The following CNTNAP2 variants were observed in gnomAD, a reference collection of about 807,000 sequenced individuals.
CNTNAP2 encodes contactin associated protein 2.
Under a neutral mutation model 155.2 loss-of-function variants are expected in CNTNAP2, and 98 were observed. The ratio of observed to expected loss-of-function variants is 0.63; its 90% confidence interval spans 0.54 to 0.75. CNTNAP2 has a LOEUF of 0.75. Among genes scored for constraint, CNTNAP2 ranks in the 30% least tolerant of loss-of-function variants. The pLI is 0.00. For synonymous variants in CNTNAP2, 651 were observed against 631.2 expected (o/e 1.03, Z -0.47); for missense variants, 1,727 against 1,688.1 (o/e 1.02, Z -0.40).
intron 1 of CNTNAP2, among the ~76,000 whole-genome samples, chr7:146,426,212 T>TAAAAAAAAAAAAAAAA (rs1554431713): frequency 4.7e-4 from 53 of 113,200 alleles, no homozygotes; most frequent in African/African-American, 1.8e-3. Flanking sequence ...AAAAAAAAAT[T>TAAAAAAAAAAAAAAAA]AAAACTTAAG....
At chr7:148,056,860 G>A (rs758570805) in intron 15 of CNTNAP2, among the ~76,000 whole-genome samples, 10 of 152,198 alleles carry the variant, frequency 6.6e-5, no homozygotes, top group Non-Finnish European at 1.5e-4. Context: ...CGATTTAAGA[G>A]CTTTCCAGAG....
At chr7:147,952,953 G>A (rs1444867051) in intron 14 of CNTNAP2, among the ~76,000 whole-genome samples, 1 of 152,134 alleles carries the variant, frequency 6.6e-6, no homozygotes, top group Non-Finnish European at 1.5e-5. Context: ...GAGAAACGTA[G>A]AGATTTAGGG....
chr7:148,098,404 A>C (rs1451188476), intron 15 of CNTNAP2, among the ~76,000 whole-genome samples: 1 of 131,326 alleles, frequency 7.6e-6, no homozygotes, highest in Non-Finnish European at 1.6e-5. Flanking sequence ...AGATCACGCC[A>C]CTGCACTCCA....
intron 20 of CNTNAP2, among the ~76,000 whole-genome samples, chr7:148,246,052 T>C (rs966433304): frequency 4.6e-5 from 7 of 152,230 alleles, no homozygotes; most frequent in Non-Finnish European, 7.3e-5. Flanking sequence ...AATGGAACTT[T>C]CAGGCATTCC....
At chr7:147,762,369 A>T (rs1797316197) in intron 13 of CNTNAP2, among the ~76,000 whole-genome samples, 1 of 152,204 alleles carries the variant, frequency 6.6e-6, no homozygotes, top group Non-Finnish European at 1.5e-5. Context: ...GTTTATGTAA[A>T]GCCACTGAAG....
At position 147,759,887 on chromosome 7, in the gene CNTNAP2, T is replaced by C. The variant is rs375894605; in HGVS notation, c.2098+120581T>C. Among the ~76,000 whole-genome samples the C allele has an allele frequency of 2.0e-5, 3 of 152,136 alleles. No individual in the cohort carries two copies. In the East Asian group the frequency reaches 5.8e-4, roughly 29 times the overall value. On this transcript the variant is annotated intron_variant, in intron 13 of 23. Transcript: ENST00000361727. Reference sequence around the variant, plus strand: ...TTTGCTGTAAGCAACCTAGACAGACTAGATACACCCCGTAAAAAGGATGCC... The same window carrying C: ...TTTGCTGTAAGCAACCTAGACAGACCAGATACACCCCGTAAAAAGGATGCC...
At chr7:148,000,555 A>G (rs1034771875) in intron 15 of CNTNAP2, among the ~76,000 whole-genome samples, 1 of 152,188 alleles carries the variant, frequency 6.6e-6, no homozygotes, top group Non-Finnish European at 1.5e-5. Flanking sequence ...CAAGTGACAC[A>G]GTGAATGACA....
chr7:146,848,791 G>A (rs951037159), intron 3 of CNTNAP2, among the ~76,000 whole-genome samples: 7 of 152,252 alleles, frequency 4.6e-5, no homozygotes, highest in Admixed American at 1.3e-4. Flanking sequence ...TATTTATTTA[G>A]AGACAGAATC....
intron 3 of CNTNAP2, among the ~76,000 whole-genome samples, chr7:146,916,299 C>A (rs185394309): frequency 2.0e-5 from 3 of 152,120 alleles, no homozygotes; most frequent in Admixed American, 2.0e-4. Context: ...TATGTCCTTT[C>A]TTGGTTTTGG....
chr7:146,606,098 C>G (rs534991537), intron 1 of CNTNAP2, among the ~76,000 whole-genome samples: 18 of 152,194 alleles, frequency 1.2e-4, no homozygotes, highest in Admixed American at 1.1e-3. Context: ...CATAAATTTG[C>G]TAAAGTCCTA....
chr7:147,701,708 C>T (rs561683843), intron 13 of CNTNAP2, among the ~76,000 whole-genome samples: 1 of 152,110 alleles, frequency 6.6e-6, no homozygotes, highest in Non-Finnish European at 1.5e-5. Flanking sequence ...TATTCGTTAA[C>T]AGGAGTTGTA....
At chr7:147,292,646 C>T (rs1326658406) in intron 8 of CNTNAP2, among the ~76,000 whole-genome samples, 1 of 152,150 alleles carries the variant, frequency 6.6e-6, no homozygotes, top group Non-Finnish European at 1.5e-5. Flanking sequence ...CTCTCATGTG[C>T]AGACAAGATA....
intron 1 of CNTNAP2, among the ~76,000 whole-genome samples, chr7:146,620,197 A>G (rs183930236): frequency 6.6e-6 from 1 of 152,306 alleles, no homozygotes; most frequent in East Asian, 1.9e-4. Flanking sequence ...AAAAGAACTT[A>G]AGCAGGGAGA....
At chr7:147,200,217 C>T (rs1302323940) in intron 8 of CNTNAP2, among the ~76,000 whole-genome samples, 1 of 152,108 alleles carries the variant, frequency 6.6e-6, no homozygotes, top group Non-Finnish European at 1.5e-5. Context: ...ATGAAAGCAT[C>T]TTGAAACTCC....
chr7:146,895,625 G>T (rs969628766), intron 3 of CNTNAP2, among the ~76,000 whole-genome samples: 1 of 151,924 alleles, frequency 6.6e-6, no homozygotes, highest in Non-Finnish European at 1.5e-5. Context: ...TACATCTATG[G>T]GATATAATCA....
chr7:146,676,734 A>G (rs1800404899), intron 1 of CNTNAP2, among the ~76,000 whole-genome samples: 1 of 152,214 alleles, frequency 6.6e-6, no homozygotes, highest in Non-Finnish European at 1.5e-5. Flanking sequence ...GTGGCAGGCA[A>G]GAGAGAATGA....
intron 1 of CNTNAP2, among the ~76,000 whole-genome samples, chr7:146,466,586 A>T (rs1796720415): frequency 6.6e-6 from 1 of 151,962 alleles, no homozygotes; most frequent in African/African-American, 2.4e-5. Context: ...ATTCATTTGG[A>T]CAGCTTTCCC....
chr7:146,466,707 C>G (rs1001361826), intron 1 of CNTNAP2, among the ~76,000 whole-genome samples: 1 of 152,092 alleles, frequency 6.6e-6, no homozygotes, highest in African/African-American at 2.4e-5. Flanking sequence ...ACTGAAATTG[C>G]TCATAATTGT....
chr7:146,228,583 T>C (rs772073865), intron 1 of CNTNAP2, among the ~76,000 whole-genome samples: 7 of 152,196 alleles, frequency 4.6e-5, no homozygotes, highest in Admixed American at 3.9e-4. Flanking sequence ...AATAGTAATC[T>C]TGCTAAAAAT....
Sources: allele counts gnomAD v4.1 joint callset (sites outside exome capture counted in the v4.1 genomes callset), GRCh38; gene constraint gnomAD v4.1.1; transcripts MANE v1.5; gene names NCBI Gene and HGNC (gene_info 2026-07-23, HGNC 2026-07-21).